Variants in GATB observed in about 807,000 individuals in gnomAD.
GATB encodes glutamyl-tRNA amidotransferase subunit B, also known as glutamyl-tRNA(Gln) amidotransferase subunit B, mitochondrial.
A neutral mutation model predicts 62.3 loss-of-function variants in GATB; 39 were observed. That is an observed-to-expected ratio of 0.63 (90% CI 0.48 to 0.82). The LOEUF (loss-of-function observed/expected upper bound fraction) is 0.82, where lower values mean the gene tolerates loss of function less well. Among genes scored for constraint, GATB ranks in the 40% least tolerant of loss-of-function variants. The pLI is 0.00. For synonymous variants in GATB, 276 were observed against 258.9 expected, an observed-to-expected ratio of 1.07 and a Z score of -0.63; for missense variants, 670 against 684.0, an observed-to-expected ratio of 0.98 and a Z score of 0.23.
intron 6 of GATB, among the ~76,000 whole-genome samples, chr4:151,707,137 C>T (rs1738730105): frequency 6.6e-6 from 1 of 152,160 alleles, no homozygotes; most frequent in South Asian, 2.1e-4. Context: ...TAGGTCAAGC[C>T]ATGGTCAATC....
rs1264696874 is a variant in GATB, at chr4:151,742,003, A to G, written c.327+16769T>C. On this transcript the variant is annotated intron_variant, in intron 2 of 12. Transcript: ENST00000263985. ...GAGAGGACAGATAAAAGGTACTGGG[A>G]TGTGCACCAACCTTGGCCCTAACTA... Among the ~76,000 whole-genome samples, 4 of 152,092 alleles carry G rather than the reference A, an allele frequency of 2.6e-5. No individual in the cohort carries two copies. In the East Asian group the frequency reaches 5.8e-4, roughly 22 times the overall value.
chr4:151,695,930 AT>A (rs57028979), intron 9 of GATB, among the ~76,000 whole-genome samples: 1,373 of 122,790 alleles, frequency 0.011, 4 homozygotes, highest in African/African-American at 0.036. Context: ...GCTAATTTAA[AT>A]TTTTTTTTTT....
chr4:151,720,372 C>T (rs1270078174), intron 2 of GATB: 1 of 152,118 alleles, frequency 6.6e-6, no homozygotes, highest in Non-Finnish European at 1.5e-5. Context: ...GTCTCAGTTT[C>T]CTTGTGTCTA....
intron 11 of GATB, chr4:151,675,242 TAGAG>T (rs1420761566): frequency 6.6e-6 from 1 of 151,992 alleles, no homozygotes; most frequent in Non-Finnish European, 1.5e-5. Flanking sequence ...GCAGTGCCGC[TAGAG>T]AAACATCATT....
At chr4:151,717,635 A>T (rs2126978310) in intron 3 of GATB, among the ~76,000 whole-genome samples, 1 of 152,218 alleles carries the variant, frequency 6.6e-6, no homozygotes, top group African/African-American at 2.4e-5. Context: ...TCCAGTCAGA[A>T]AATGCTGTGA....
intron 2 of GATB, chr4:151,722,164 G>A (rs1242264196): frequency 1.4e-6 from 1 of 701,262 alleles, no homozygotes; most frequent in Non-Finnish European, 2.6e-6. Context: ...AGGTCAGCAT[G>A]TTCTGAGGAT....
At chr4:151,692,555 G>A (rs1251055355) in intron 9 of GATB, among the ~76,000 whole-genome samples, 1 of 152,196 alleles carries the variant, frequency 6.6e-6, no homozygotes, top group East Asian at 1.9e-4. Context: ...GCATTCAGCT[G>A]TGGCATGACA....
At chr4:151,721,886 C>T (rs760326454) in intron 2 of GATB, 31 of 371,976 alleles carry the variant, frequency 8.3e-5, no homozygotes, top group Non-Finnish European at 1.2e-4. Flanking sequence ...TGCACACAAG[C>T]GCACGGGCAC....
chr4:151,690,394 A>G (rs1738339758), intron 9 of GATB, among the ~76,000 whole-genome samples: 1 of 152,262 alleles, frequency 6.6e-6, no homozygotes, highest in Non-Finnish European at 1.5e-5. Context: ...AAGCTTGACT[A>G]CAGATAAAGG....
intron 10 of GATB, among the ~76,000 whole-genome samples, chr4:151,686,064 A>G: frequency 8.2e-6 from 1 of 122,116 alleles, no homozygotes; most frequent in East Asian, 2.3e-4. Flanking sequence ...AAAACAAAAC[A>G]AAACAAAAAA....
intron 11 of GATB, chr4:151,677,790 T>C (rs1738039319): frequency 6.6e-6 from 1 of 152,072 alleles, no homozygotes; most frequent in Non-Finnish European, 1.5e-5. Flanking sequence ...AAAATAAAAA[T>C]AAATAAATAA....
At position 151,744,591 on chromosome 4, in the gene GATB, A is replaced by G. The variant is rs578178945; in HGVS notation, c.327+14181T>C. The stretch of plus-strand genomic sequence containing the variant: ...ATGGTGGGGCCCTGTCTCTAAAAAA[A>G]ATAAAAATAAAAATAGTAGAAGCAT... On this transcript the variant is annotated intron_variant, in intron 2 of 12. Transcript: ENST00000263985. 1.2e-4 allele frequency among the ~76,000 whole-genome samples: 19 copies of G among 152,284 alleles called. No individual in the cohort carries two copies. The South Asian group carries it at 3.9e-3, about 32-fold the overall frequency.
intron 7 of GATB, among the ~76,000 whole-genome samples, chr4:151,704,618 T>A (rs1738675526): frequency 1.3e-5 from 2 of 151,258 alleles, no homozygotes; most frequent in Admixed American, 1.3e-4. Context: ...CACACCTGGC[T>A]AATTTTTTGT....
intron 8 of GATB, chr4:151,703,601 G>A (rs1485940672): frequency 1.9e-6 from 1 of 539,984 alleles, no homozygotes; most frequent in East Asian, 3.2e-5. Context: ...ACACAGCAGT[G>A]GATGAACAAG....
At chr4:151,760,545 T>C (rs531056013) in intron 1 of GATB, among the ~76,000 whole-genome samples, 1 of 152,352 alleles carries the variant, frequency 6.6e-6, no homozygotes, top group Non-Finnish European at 1.5e-5. Context: ...CTTCTGTCTG[T>C]GCACCCTTCA....
At chr4:151,758,322 C>T (rs1739878187) in intron 2 of GATB, among the ~76,000 whole-genome samples, 1 of 152,124 alleles carries the variant, frequency 6.6e-6, no homozygotes, top group African/African-American at 2.4e-5. Context: ...CCTAAAGTAC[C>T]CCTACTTCAA....
chr4:151,760,968 C>G lies in GATB; in HGVS notation c.15G>C (p.Met5Ile). Residue 5 changes from methionine to isoleucine, a missense_variant, in exon 1 of 13, where the codon ATG (methionine) becomes ATC (isoleucine). Physicochemically the swap from Met to Ile is conservative, Grantham distance 10 (BLOSUM62 1). Coordinates refer to ENST00000263985, the MANE Select transcript of GATB (RefSeq NM_004564.3). ...GTCTTCCACGGCAGCCCCAGCGCAG[C>G]ATGGGCGCCGCCATTGTAACTCCAG... MAAP[M>I]LRWGCRGRRW... The G allele has an allele frequency of 6.2e-7, 1 of 1,611,096 alleles. No individual in the cohort carries two copies. Among genetic ancestry groups the G allele is most frequent in the Non-Finnish European group, 8.5e-7 (1 of 1,179,058 alleles).
chr4:151,742,368 G>A (rs1338502888), intron 2 of GATB, among the ~76,000 whole-genome samples: 2 of 152,316 alleles, frequency 1.3e-5, no homozygotes, highest in East Asian at 1.9e-4. Flanking sequence ...GATTACAGGC[G>A]TGAGCCACCG....
At chr4:151,708,183 C>A in intron 5 of GATB, 82 bp from the exon 6 acceptor site, 1 of 871,018 alleles carries the variant, frequency 1.1e-6, no homozygotes, top group Non-Finnish European at 1.9e-6. Context: ...TCAAAGGAAG[C>A]AGCATCTAAC....
Sources: allele counts gnomAD v4.1 joint callset (sites outside exome capture counted in the v4.1 genomes callset), GRCh38; gene constraint gnomAD v4.1.1; transcripts MANE v1.5; gene names NCBI Gene and HGNC (gene_info 2026-07-23, HGNC 2026-07-21).